HINT1: variants seen among roughly 807,000 people sequenced by gnomAD.
HINT1 encodes the protein adenosine 5'-monophosphoramidase HINT1.
A neutral mutation model predicts 11.2 loss-of-function variants in HINT1; 12 were observed. The ratio of observed to expected loss-of-function variants is 1.07; its 90% CI spans 0.69 to 1.74. The LOEUF (loss-of-function observed/expected upper bound fraction) is 1.74. Among genes scored for constraint, HINT1 ranks in the 40% most tolerant of loss-of-function variants. HINT1 has a pLI of 0.00. For missense variants in HINT1, 150 were observed against 161.8 expected, an observed-to-expected ratio of 0.93 and a Z score of 0.40; for synonymous variants, 42 against 52.6, an observed-to-expected ratio of 0.80 and a Z score of 0.87.
intron 1 of HINT1, among the ~76,000 whole-genome samples, chr5:131,164,875 C>G (rs1755354222): frequency 6.6e-6 from 1 of 151,728 alleles, no homozygotes; most frequent in African/African-American, 2.4e-5. Flanking sequence ...GGCCCGCGCC[C>G]GGGGCAGATA....
chr5:131,162,104 T>A (rs1755265336), intron 2 of HINT1: 1 of 329,724 alleles, frequency 3.0e-6, no homozygotes, highest in Non-Finnish European at 5.5e-6. Flanking sequence ...GGCGGGCGGA[T>A]CACGAGGTCA....
chr5:131,161,219 T>C (rs1357939994), intron 2 of HINT1, among the ~76,000 whole-genome samples: 1 of 152,224 alleles, frequency 6.6e-6, no homozygotes, highest in African/African-American at 2.4e-5. Flanking sequence ...AAAATTAACA[T>C]TTTATTGTCC....
chr5:131,160,593 A>C, intron 2 of HINT1: 3 of 445,570 alleles, frequency 6.7e-6, no homozygotes, highest in Non-Finnish European at 9.3e-6. Flanking sequence ...GAGGGAAGGG[A>C]GAGAGTCTTA....
At chr5:131,160,274 C>T (rs1022351906) in intron 2 of HINT1, among the ~76,000 whole-genome samples, 1 of 152,290 alleles carries the variant, frequency 6.6e-6, no homozygotes, top group African/African-American at 2.4e-5. Flanking sequence ...ACTACCAGAT[C>T]TATTGCATTG....
Position 131,165,058 on chromosome 5 carries a change from A to C in HINT1, c.111+37T>G, listed in dbSNP as rs2278060. 0.28 allele frequency: 443,622 copies of C among 1,611,510 alleles called. 69,597 individuals carry two copies. Among genetic ancestry groups the C allele is most frequent in the African/African-American group, 0.71 (53,432 of 74,906 alleles). The stretch of plus-strand genomic sequence containing the variant: ...ACCCGAGGATCCGCGGACGATACCC[A>C]CCTCAGCAGGCGAGAGAGGTGGTGC... On this transcript the variant is annotated intron_variant, in intron 1 of 2. Coordinates refer to ENST00000304043, the MANE Select transcript of HINT1 (RefSeq NM_005340.7).
intron 1 of HINT1, 143 bp downstream of exon 1, chr5:131,164,952 C>G: frequency 8.0e-7 from 1 of 1,244,694 alleles, no homozygotes; most frequent in South Asian, 1.4e-5. Flanking sequence ...TGTCCGCTGG[C>G]TGGGGGCCCG....
At chr5:131,159,825 A>G (rs1323897908) in intron 2 of HINT1, among the ~76,000 whole-genome samples, 3 of 152,190 alleles carry the variant, frequency 2.0e-5, no homozygotes, top group Non-Finnish European at 4.4e-5. Flanking sequence ...TTCAAGAAAC[A>G]AATTAGAAAT....
chr5:131,159,657 T>G, intron 2 of HINT1, 46 bp from the exon 3 acceptor site: 5 of 1,551,014 alleles, frequency 3.2e-6, no homozygotes, highest in Non-Finnish European at 4.4e-6. Context: ...ATTTATTACT[T>G]CTTGCCATTA....
intron 1 of HINT1, among the ~76,000 whole-genome samples, chr5:131,163,610 A>C (rs1377818219): frequency 4.6e-5 from 7 of 151,970 alleles, no homozygotes; most frequent in Admixed American, 4.6e-4. Flanking sequence ...TTATGATAGC[A>C]ATCAGTTTTG....
chr5:131,162,680 G>C lies in HINT1; in HGVS notation c.112-4C>G, dbSNP rs1416389023. On this transcript the variant is annotated splice_region_variant and splice_polypyrimidine_tract_variant and intron_variant, in intron 1 of 2. Coordinates refer to ENST00000304043, the MANE Select transcript of HINT1 (RefSeq NM_005340.7). ...AAATGTCATGGAAAGCAAGGCACTA[G>C]GGAAAAGAGAAATAAATAAATAAAT... The C allele has an allele frequency of 3.2e-6, 5 of 1,560,514 alleles. No individual in the cohort carries two copies. The South Asian group carries it at 3.4e-5, about 11-fold the overall frequency.
Position 131,165,225 on chromosome 5 carries a change from G to A in HINT1, c.-20C>T, listed in dbSNP as rs779102556. ...TGCCATCTCGGCCTCTCTCCCGCGC[G>A]GCGGCCAGAGGAGAGGCTCGGAAGA... On this transcript the variant is annotated 5_prime_UTR_variant, in exon 1 of 3. Coordinates refer to ENST00000304043, the MANE Select transcript of HINT1 (RefSeq NM_005340.7). 3 of 1,600,200 alleles carry A rather than the reference G, an allele frequency of 1.9e-6. No homozygotes were observed. The highest frequency in any genetic ancestry group is 1.1e-5 in the South Asian group (1 of 90,934).
At chr5:131,162,392 T>C in intron 2 of HINT1, 180 bp downstream of exon 2, 1 of 1,224,180 alleles carries the variant, frequency 8.2e-7, no homozygotes, top group Non-Finnish European at 1.2e-6. Flanking sequence ...TCATTGCTGG[T>C]GGGATACAAA....
At chr5:131,160,885 C>T (rs1236977359) in intron 2 of HINT1, 2 of 455,070 alleles carry the variant, frequency 4.4e-6, no homozygotes, top group Non-Finnish European at 8.8e-6. Flanking sequence ...TTTTGCCCAA[C>T]TGTAGGTTAA....
intron 2 of HINT1, chr5:131,162,368 G>C: frequency 1.0e-6 from 1 of 975,496 alleles, no homozygotes; most frequent in Non-Finnish European, 1.6e-6. Context: ...ATACGGAGAA[G>C]CTGGAACGCT....
chr5:131,162,985 G>A (rs886625635), intron 1 of HINT1, among the ~76,000 whole-genome samples: 25 of 152,212 alleles, frequency 1.6e-4, no homozygotes, highest in African/African-American at 4.3e-4. Flanking sequence ...TTACAGGCAC[G>A]TGCCATCATG....
chr5:131,164,927 G>A (rs1477702009), intron 1 of HINT1, 168 bp downstream of exon 1: 8 of 884,756 alleles, frequency 9.0e-6, no homozygotes, highest in African/African-American at 1.8e-5. Context: ...AGGCCGCCTC[G>A]GAGTGCCCGG....
At position 131,159,358 on chromosome 5, in the gene HINT1, C is replaced by G. The variant is rs375701410; in HGVS notation, c.*89G>C. ...ATTATTTCTTGAATCTCTCCATACACAGGCAAAAATAAGTGTGTTACTTAA... is the reference window on the plus strand; with the variant it reads ...ATTATTTCTTGAATCTCTCCATACAGAGGCAAAAATAAGTGTGTTACTTAA... On this transcript the variant is annotated 3_prime_UTR_variant, in exon 3 of 3. Transcript: ENST00000304043. 7 of 1,183,420 alleles carry G rather than the reference C, an allele frequency of 5.9e-6. No homozygotes were observed. The highest frequency in any genetic ancestry group is 4.8e-5 in the East Asian group (2 of 42,016). The allele number at this position is 1,183,420 out of a possible 1,614,324, so 73.3% of individuals were successfully genotyped here.
rs753219862 is a variant in HINT1 at position 131,159,468 on chromosome 5, T to C, written c.360A>G (p.Gln120=). Residue 120 remains glutamine (Q), a synonymous_variant, in exon 3 of 3, where the codon CAA becomes CAG. Transcript: ENST00000304043. ...HVHLHVLGGR[Q]MHWPPG is the part of the protein sequence containing the mutation. ...GTGCTTAACCAGGAGGCCAATGCAT[T>C]TGCCGACCTCCAAGAACATGGAGAT... The C allele has an allele frequency of 1.2e-6, 2 of 1,612,528 alleles. No homozygotes were observed. The highest frequency in any genetic ancestry group is 1.7e-6 in the Non-Finnish European group (2 of 1,179,914).
At chr5:131,161,623 A>ATTCTGAGGG (rs1755251474) in intron 2 of HINT1, among the ~76,000 whole-genome samples, 1 of 151,756 alleles carries the variant, frequency 6.6e-6, no homozygotes, top group Non-Finnish European at 1.5e-5. Context: ...AAAAAAATGT[A>ATTCTGAGGG]TTCTGAGGGT....
Sources: allele counts gnomAD v4.1 joint callset (sites outside exome capture counted in the v4.1 genomes callset), GRCh38; gene constraint gnomAD v4.1.1; transcripts MANE v1.5; gene names NCBI Gene and HGNC (gene_info 2026-07-23, HGNC 2026-07-21).